The following SHROOM3 variants were observed in gnomAD, a reference collection of about 807,000 sequenced individuals.
The protein encoded by SHROOM3 is protein Shroom3.
SHROOM3 carries 47 observed loss-of-function variants against 138.6 expected under a neutral mutation model. The observed-to-expected ratio is 0.34, with a 90% CI of 0.27 to 0.43. The LOEUF is 0.43. Among genes scored for constraint, SHROOM3 ranks in the 20% least tolerant of loss-of-function variants. The pLI, the probability that SHROOM3 is intolerant of heterozygous loss-of-function variation, is 1.00. For missense variants in SHROOM3, 2,491 were observed against 2,596.5 expected (o/e 0.96, Z 0.88); for synonymous variants, 1,062 against 1,063.3 (o/e 1.00, Z 0.02).
intron 1 of SHROOM3, among the ~76,000 whole-genome samples, chr4:76,547,947 A>ACACACACACACG (rs1177838111): frequency 1.3e-5 from 2 of 151,750 alleles, no homozygotes; most frequent in Non-Finnish European, 2.9e-5. Flanking sequence ...ACACACACAC[A>ACACACACACACG]CACACACACA....
chr4:76,671,888 A>C (rs1478433236), intron 2 of SHROOM3, among the ~76,000 whole-genome samples: 3 of 152,182 alleles, frequency 2.0e-5, no homozygotes, highest in South Asian at 2.1e-4. Context: ...CCAGCTGAGC[A>C]TCCCTTATCC....
At chr4:76,764,536 G>C (rs573221509) in intron 9 of SHROOM3, among the ~76,000 whole-genome samples, 225 of 152,198 alleles carry the variant, frequency 1.5e-3, no homozygotes, top group African/African-American at 5.1e-3. Context: ...TTCAGAATAG[G>C]TCTGCTGATA....
At chr4:76,448,528 T>C (rs1380960983) in intron 1 of SHROOM3, among the ~76,000 whole-genome samples, 1 of 152,168 alleles carries the variant, frequency 6.6e-6, no homozygotes, top group African/African-American at 2.4e-5. Flanking sequence ...GCTTAGTTCT[T>C]TCATCTCTCA....
At chr4:76,699,839 T>TA (rs914937346) in intron 2 of SHROOM3, among the ~76,000 whole-genome samples, 51 of 152,300 alleles carry the variant, frequency 3.3e-4, no homozygotes, top group African/African-American at 1.2e-3. Context: ...ACCCCAGCTT[T>TA]ACCCTTTGAT....
chr4:76,671,062 C>A (rs1239338304), intron 2 of SHROOM3, among the ~76,000 whole-genome samples: 1 of 152,176 alleles, frequency 6.6e-6, no homozygotes, highest in Admixed American at 6.5e-5. Context: ...TCTGCTATTA[C>A]CCTAGTTTAG....
chr4:76,650,554 TTTATTTATTTGA>T (rs1472231696), intron 2 of SHROOM3, among the ~76,000 whole-genome samples: 1 of 128,994 alleles, frequency 7.8e-6, no homozygotes, highest in African/African-American at 3.1e-5. Flanking sequence ...TATTTATTTA[TTTATTTATTTGA>T]TGGAGTCTTG....
chr4:76,759,498 C>T lies in SHROOM3; in HGVS notation c.5199-47C>T, dbSNP rs202226172. ...ACTGACATCTGCAGTGAAACAAAGCCTCTGGCGTGATCTGTGTGGCTATAC... is the reference window on the plus strand; with the variant it reads ...ACTGACATCTGCAGTGAAACAAAGCTTCTGGCGTGATCTGTGTGGCTATAC... On this transcript the variant is annotated intron_variant, in intron 8 of 10. Transcript: ENST00000296043. 4.0e-4 allele frequency: 650 copies of T among 1,612,786 alleles called. 5 individuals are homozygous for T. The African/African-American group carries it at 8.0e-3, about 20-fold the overall frequency.
At chr4:76,707,928 A>G (rs1476405331) in intron 2 of SHROOM3, among the ~76,000 whole-genome samples, 1 of 152,108 alleles carries the variant, frequency 6.6e-6, no homozygotes, top group African/African-American at 2.4e-5. Context: ...TGTGTGGTGC[A>G]TCCAGACAGC....
intron 2 of SHROOM3, among the ~76,000 whole-genome samples, chr4:76,565,343 AT>A (rs545284452): frequency 3.2e-4 from 48 of 152,098 alleles, no homozygotes; most frequent in Non-Finnish European, 5.0e-4. Context: ...TGAACCAAAT[AT>A]TTGGAACTCT....
At chr4:76,643,064 G>A (rs1034566079) in intron 2 of SHROOM3, among the ~76,000 whole-genome samples, 3 of 151,826 alleles carry the variant, frequency 2.0e-5, no homozygotes, top group South Asian at 2.1e-4. Flanking sequence ...AAAAGTAGCC[G>A]GCCGTAGTGG....
At chr4:76,580,881 C>CAT (rs1325359484) in intron 2 of SHROOM3, among the ~76,000 whole-genome samples, 2 of 152,336 alleles carry the variant, frequency 1.3e-5, no homozygotes, top group East Asian at 3.9e-4. Flanking sequence ...CTACTAAGTA[C>CAT]ATATGTAAGT....
At chr4:76,653,589 A>T (rs966306232) in intron 2 of SHROOM3, among the ~76,000 whole-genome samples, 28 of 152,102 alleles carry the variant, frequency 1.8e-4, no homozygotes, top group African/African-American at 6.5e-4. Flanking sequence ...TTTTTGAGAC[A>T]GAGTCTCACT....
intron 4 of SHROOM3, among the ~76,000 whole-genome samples, chr4:76,734,931 C>T: frequency 6.6e-6 from 1 of 152,028 alleles, no homozygotes; most frequent in East Asian, 1.9e-4. Context: ...TCCAGGAGGT[C>T]CTCTCTGAAT....
At chr4:76,512,639 C>T (rs1732361594) in intron 1 of SHROOM3, among the ~76,000 whole-genome samples, 1 of 152,052 alleles carries the variant, frequency 6.6e-6, no homozygotes, top group South Asian at 2.1e-4. Flanking sequence ...AAATTACCTC[C>T]AAAATGATTG....
chr4:76,448,485 C>A (rs1246639376), intron 1 of SHROOM3, among the ~76,000 whole-genome samples: 2 of 152,158 alleles, frequency 1.3e-5, no homozygotes, highest in Non-Finnish European at 2.9e-5. Flanking sequence ...CAAGAGCAAC[C>A]CTCCATGACC....
chr4:76,679,000 G>T (rs935090632), intron 2 of SHROOM3, among the ~76,000 whole-genome samples: 1 of 152,148 alleles, frequency 6.6e-6, no homozygotes, highest in African/African-American at 2.4e-5. Context: ...TTTTGTTGTT[G>T]ATGTTTTTTA....
chr4:76,769,663 C>T (rs914758304), intron 9 of SHROOM3, among the ~76,000 whole-genome samples: 1 of 152,206 alleles, frequency 6.6e-6, no homozygotes, highest in Non-Finnish European at 1.5e-5. Context: ...GTCTTGCTGT[C>T]AATTTCTAAT....
intron 1 of SHROOM3, among the ~76,000 whole-genome samples, chr4:76,514,032 T>C (rs571010396): frequency 1.8e-4 from 28 of 152,300 alleles, no homozygotes; most frequent in African/African-American, 6.5e-4. Context: ...TTCAAAAATT[T>C]TTAAGCCGTT....
intron 9 of SHROOM3, among the ~76,000 whole-genome samples, chr4:76,767,523 C>A (rs1379575572): frequency 1.3e-5 from 2 of 152,000 alleles, no homozygotes; most frequent in African/African-American, 2.4e-5. Context: ...ACTAAAAATA[C>A]AAAATTAGCT....
Sources: gnomAD v4.1 joint callset for allele counts (sites outside exome capture counted in the v4.1 genomes callset) on GRCh38, gnomAD v4.1.1 for gene constraint, MANE v1.5 for transcripts, NCBI Gene and HGNC (gene_info 2026-07-23, HGNC 2026-07-21) for gene names.